The following SHISA9 variants were observed in gnomAD, a reference collection of about 807,000 sequenced individuals.
SHISA9 encodes shisa family member 9, also known as protein shisa-9.
SHISA9 carries 13 observed loss-of-function variants against 38.0 expected under a neutral mutation model. The observed-to-expected ratio is 0.34, with a 90% confidence interval of 0.22 to 0.54. The LOEUF is 0.54. Among genes scored for constraint, SHISA9 ranks in the 20% least tolerant of loss-of-function variants. The pLI is 0.91. For missense variants in SHISA9, 538 were observed against 575.8 expected, an observed-to-expected ratio of 0.93 and a Z score of 0.67; for synonymous variants, 275 against 242.0, an observed-to-expected ratio of 1.14 and a Z score of -1.27.
At chr16:13,004,950 A>AGAAAG (rs1180994019) in intron 2 of SHISA9, among the ~76,000 whole-genome samples, 1 of 105,850 alleles carries the variant, frequency 9.4e-6, no homozygotes, top group Non-Finnish European at 1.9e-5. Context: ...AAAGAAAAAA[A>AGAAAG]AAAAAAAAGA....
chr16:13,154,330 G>A (rs181042126), intron 2 of SHISA9, among the ~76,000 whole-genome samples: 1 of 152,280 alleles, frequency 6.6e-6, no homozygotes, highest in Admixed American at 6.5e-5. Context: ...ATCTCAAAGT[G>A]TGGTTTCTGT....
chr16:13,233,519 T>G (rs140087192), intron 4 of SHISA9, among the ~76,000 whole-genome samples: 1,888 of 152,334 alleles, frequency 0.012, 19 homozygotes, highest in Non-Finnish European at 0.02. Flanking sequence ...AGTAAATATC[T>G]CAGGCTCTTC....
chr16:13,083,930 G>A (rs114971385), intron 2 of SHISA9, among the ~76,000 whole-genome samples: 1,920 of 152,210 alleles, frequency 0.013, 34 homozygotes, highest in African/African-American at 0.042. Flanking sequence ...GTTTCAAAGC[G>A]GGAGGGAGGC....
intron 2 of SHISA9, among the ~76,000 whole-genome samples, chr16:12,934,411 T>C (rs572887145): frequency 6.6e-6 from 1 of 152,290 alleles, no homozygotes; most frequent in Admixed American, 6.5e-5. Context: ...AATTAAAGAC[T>C]CCTAGAATAT....
chr16:12,959,240 G>A (rs888795365), intron 2 of SHISA9, among the ~76,000 whole-genome samples: 1 of 152,334 alleles, frequency 6.6e-6, no homozygotes. Context: ...CCAAAAAAAG[G>A]AATGGAATGC....
the SHISA9 span, among the ~76,000 whole-genome samples, chr16:13,517,619 C>T: frequency 6.6e-6 from 1 of 152,176 alleles, no homozygotes; most frequent in Admixed American, 6.5e-5. Context: ...CCAGTTTTCT[C>T]CCCTTCTCCT....
At chr16:13,023,121 C>T (rs574608351) in intron 2 of SHISA9, among the ~76,000 whole-genome samples, 2 of 152,288 alleles carry the variant, frequency 1.3e-5, no homozygotes, top group South Asian at 2.1e-4. Flanking sequence ...CTGCACCCAT[C>T]AACTCATCAT....
At chr16:13,019,870 CCCTCCCTCCCTCCCTTCTTTCTTTCTTT>C (rs1364791168) in intron 2 of SHISA9, among the ~76,000 whole-genome samples, 14 of 31,932 alleles carry the variant, frequency 4.4e-4, no homozygotes, top group Non-Finnish European at 5.8e-4. Context: ...CTCCCTCCCT[CCCTCCCTCCCTCCCTTCTTTCTTTCTTT>C]CTTTCTTTCT....
At chr16:13,290,761 ACAAT>A in the SHISA9 span, among the ~76,000 whole-genome samples, 1 of 152,146 alleles carries the variant, frequency 6.6e-6, no homozygotes, top group Non-Finnish European at 1.5e-5. Context: ...CTAGAGTCAC[ACAAT>A]CAGAGACTCT....
At chr16:13,294,518 G>C in the SHISA9 span, among the ~76,000 whole-genome samples, 18 of 152,174 alleles carry the variant, frequency 1.2e-4, no homozygotes, top group Non-Finnish European at 2.9e-5. Flanking sequence ...CTCAAAACCA[G>C]TGCATCAATT....
At chr16:13,548,248 C>T in the SHISA9 span, among the ~76,000 whole-genome samples, 1 of 141,058 alleles carries the variant, frequency 7.1e-6, no homozygotes, top group Non-Finnish European at 1.6e-5. Flanking sequence ...AGACTCAAAA[C>T]AATAAAACTA....
At chr16:13,108,274 G>A (rs570021565) in intron 2 of SHISA9, among the ~76,000 whole-genome samples, 1 of 152,204 alleles carries the variant, frequency 6.6e-6, no homozygotes, top group East Asian at 1.9e-4. Flanking sequence ...GACTGCAGGT[G>A]TGTGCCACCA....
intron 3 of SHISA9, among the ~76,000 whole-genome samples, chr16:13,209,248 T>C (rs902897142): frequency 6.6e-6 from 1 of 152,186 alleles, no homozygotes; most frequent in South Asian, 2.1e-4. Flanking sequence ...ATCTCGGAGA[T>C]ACGCTGGTAC....
intron 2 of SHISA9, among the ~76,000 whole-genome samples, chr16:13,108,680 C>T (rs1032579529): frequency 1.3e-5 from 2 of 152,098 alleles, no homozygotes; most frequent in African/African-American, 4.8e-5. Context: ...AAAAAATCAG[C>T]GTATGAATTA....
At chr16:13,087,188 T>C (rs1233426452) in intron 2 of SHISA9, among the ~76,000 whole-genome samples, 2 of 141,678 alleles carry the variant, frequency 1.4e-5, no homozygotes, top group Non-Finnish European at 3.0e-5. Flanking sequence ...TGGTATTCCA[T>C]GGTGTATACG....
At chr16:13,535,285 T>C in the SHISA9 span, among the ~76,000 whole-genome samples, 1 of 152,082 alleles carries the variant, frequency 6.6e-6, no homozygotes, top group Non-Finnish European at 1.5e-5. Flanking sequence ...AACTCAACTC[T>C]CCAGTTCCTA....
intron 2 of SHISA9, among the ~76,000 whole-genome samples, chr16:13,175,261 T>A (rs888539455): frequency 1.1e-4 from 16 of 151,800 alleles, no homozygotes; most frequent in Non-Finnish European, 1.9e-4. Context: ...TGGTGGCACA[T>A]GCCTGTGGTC....
chr16:12,994,329 T>C (rs1211359786), intron 2 of SHISA9, among the ~76,000 whole-genome samples: 2 of 152,208 alleles, frequency 1.3e-5, no homozygotes, highest in Non-Finnish European at 2.9e-5. Flanking sequence ...GAGGCTGTCA[T>C]TGTTCAGTGA....
chr16:13,510,279 G>C, the SHISA9 span, among the ~76,000 whole-genome samples: 3 of 152,174 alleles, frequency 2.0e-5, no homozygotes, highest in Non-Finnish European at 4.4e-5. Flanking sequence ...CTATACACCA[G>C]CCTGGGCGAT....
Sources: gnomAD v4.1 joint callset for allele counts (sites outside exome capture counted in the v4.1 genomes callset) on GRCh38, gnomAD v4.1.1 for gene constraint, MANE v1.5 for transcripts, NCBI Gene and HGNC (gene_info 2026-07-23, HGNC 2026-07-21) for gene names.